The following PCDHA2 variants were observed in gnomAD, a reference collection of about 807,000 sequenced individuals.
PCDHA2 encodes the protein protocadherin alpha 2, also known as protocadherin alpha-2.
PCDHA2 carries 58 observed loss-of-function variants against 66.0 expected under a neutral mutation model. The observed-to-expected ratio is 0.88, with a 90% CI of 0.71 to 1.09. The LOEUF is 1.09. Ranked by LOEUF, PCDHA2 falls within the 50% of genes least tolerant of loss-of-function variation. The probability of loss-of-function intolerance (pLI) is 0.00; values close to 1 mark genes in which losing one functional copy is unlikely to be tolerated. For synonymous variants in PCDHA2, 634 were observed against 554.0 expected (o/e 1.14, Z -2.03); for missense variants, 1,267 against 1,242.3 (o/e 1.02, Z -0.30).
At chr5:140,895,481 A>G (rs1344099308) in intron 1 of PCDHA2, among the ~76,000 whole-genome samples, 1 of 152,168 alleles carries the variant, frequency 6.6e-6, no homozygotes, top group African/African-American at 2.4e-5. Flanking sequence ...CTTCGGAGAA[A>G]TACCTATTCA....
intron 1 of PCDHA2, chr5:140,853,653 C>G: frequency 3.0e-6 from 3 of 988,604 alleles, no homozygotes; most frequent in Non-Finnish European, 3.7e-6. Flanking sequence ...TGAGCCTGTT[C>G]CAGACAAATT....
intron 1 of PCDHA2, chr5:140,856,336 G>A (rs782523397): frequency 1.9e-6 from 3 of 1,598,624 alleles, no homozygotes; most frequent in East Asian, 2.2e-5. Context: ...AGCTGTGCGG[G>A]CGGAGCGTGG....
rs1263615997 is a variant in PCDHA2 at position 140,926,760 on chromosome 5, A to ATAC, written c.2389-52188_2389-52187insACT. ...GGCGCAACGTCGGCGGTCGCTGAGT[A>ATAC]TCCAGCCCGCAGCAGTGACGGCCGG... On this transcript the variant is annotated intron_variant, in intron 1 of 3. Transcript: ENST00000526136. The ATAC allele has an allele frequency of 6.1e-6, 8 of 1,312,248 alleles. No homozygotes were observed. The African/African-American group carries it at 1.2e-4, about 20-fold the overall frequency. The allele number at this position is 1,312,248 out of a possible 1,614,324, so 81.3% of individuals were successfully genotyped here.
At chr5:140,846,591 G>A (rs1236842497) in intron 1 of PCDHA2, among the ~76,000 whole-genome samples, 3 of 148,580 alleles carry the variant, frequency 2.0e-5, no homozygotes, top group African/African-American at 7.4e-5. Context: ...AGCCAGGATG[G>A]TCTCGATCTC....
At chr5:140,836,123 T>A (rs1214014408) in intron 1 of PCDHA2, 36 of 1,613,538 alleles carry the variant, frequency 2.2e-5, no homozygotes, top group Non-Finnish European at 3.0e-5. Context: ...TGAGAGAGCT[T>A]GTGCCGCGGT....
At chr5:140,953,124 A>G (rs1554220816) in intron 1 of PCDHA2, among the ~76,000 whole-genome samples, 1 of 152,150 alleles carries the variant, frequency 6.6e-6, no homozygotes, top group African/African-American at 2.4e-5. Flanking sequence ...ACAGATCTAA[A>G]CCGTATCACT....
At chr5:140,867,257 T>C (rs1396352368) in intron 1 of PCDHA2, 1 of 152,138 alleles carries the variant, frequency 6.6e-6, no homozygotes, top group Non-Finnish European at 1.5e-5. Flanking sequence ...TGTTGTTTCC[T>C]TTTGTTCAAA....
chr5:140,822,417 T>G lies in PCDHA2; in HGVS notation c.2388+25065T>G, dbSNP rs17844289. On this transcript the variant is annotated intron_variant, in intron 1 of 3. Transcript: ENST00000526136. Reference sequence around the variant, plus strand: ...AACACCGTTTATTAGTGATTGCAACTGATGGAGGAAAACCCGAACTAACAG... The same window carrying G: ...AACACCGTTTATTAGTGATTGCAACGGATGGAGGAAAACCCGAACTAACAG... 216 of 1,614,062 alleles carry G rather than the reference T, an allele frequency of 1.3e-4. 3 individuals carry two copies. The East Asian group carries it at 4.7e-3, about 35-fold the overall frequency.
intron 1 of PCDHA2, among the ~76,000 whole-genome samples, chr5:140,971,942 C>A (rs2153791969): frequency 6.6e-6 from 1 of 152,140 alleles, no homozygotes; most frequent in Middle Eastern, 3.4e-3. Flanking sequence ...AAGTTGTATC[C>A]ATCTGACTCC....
intron 1 of PCDHA2, among the ~76,000 whole-genome samples, chr5:140,943,341 G>T (rs1021651625): frequency 5.3e-5 from 8 of 151,780 alleles, no homozygotes; most frequent in African/African-American, 1.9e-4. Context: ...CATTGGACAG[G>T]ATGAGAGTAG....
At chr5:140,841,883 G>T in intron 1 of PCDHA2, 1 of 1,613,836 alleles carries the variant, frequency 6.2e-7, no homozygotes, top group East Asian at 2.2e-5. Context: ...AAAGAACGAT[G>T]AGAATAAACT....
Position 140,968,215 on chromosome 5 carries a change from G to T in PCDHA2, c.2389-10734G>T, listed in dbSNP as rs782676713. The stretch of plus-strand genomic sequence containing the variant: ...CCATCTACATACAGGAGAACAATTT[G>T]CCAGGTGTGTTGCTCTGTACTGTGC... On this transcript the variant is annotated intron_variant, in intron 1 of 3. Transcript: ENST00000526136. 3.1e-6 allele frequency: 5 copies of T among 1,613,862 alleles called. No homozygotes were observed. In the East Asian group the frequency reaches 1.1e-4, roughly 36 times the overall value.
At chr5:140,942,467 A>C (rs1428565418) in intron 1 of PCDHA2, among the ~76,000 whole-genome samples, 1 of 152,142 alleles carries the variant, frequency 6.6e-6, no homozygotes, top group Non-Finnish European at 1.5e-5. Context: ...AATACAATCA[A>C]ATTCAAGCTA....
chr5:140,827,425 A>G (rs2150147472), intron 1 of PCDHA2, among the ~76,000 whole-genome samples: 1 of 152,380 alleles, frequency 6.6e-6, no homozygotes, highest in East Asian at 1.9e-4. Context: ...CTAGAATTTT[A>G]TCTTCCATCA....
At position 140,824,092 on chromosome 5, in the gene PCDHA2, C is replaced by G. The variant is rs2150132114; in HGVS notation, c.2388+26740C>G. 4 of 1,614,146 alleles carry G rather than the reference C, an allele frequency of 2.5e-6. No individual in the cohort carries two copies. In the South Asian group the frequency reaches 4.4e-5, roughly 18 times the overall value. On this transcript the variant is annotated intron_variant, in intron 1 of 3. Transcript: ENST00000526136. ...CAAAACAGACCTCATGGCCTTCAGT[C>G]CAAGCCTTCCTCAGGGTCCCACCTC...
Position 140,985,833 on chromosome 5 carries a change from G to A in PCDHA2, c.2536+3270G>A, listed in dbSNP as rs1458914557. Among the ~76,000 whole-genome samples the A allele has an allele frequency of 2.8e-5, 4 of 143,674 alleles. No homozygotes were observed. In the East Asian group the frequency reaches 6.5e-4, roughly 23 times the overall value. The allele number at this position is 143,674 out of a possible 152,430, so 94.3% of individuals were successfully genotyped here. A position where few individuals can be genotyped will look rare whatever the true frequency, so the allele number is the denominator to read the frequency against. ...CAGCTCACAACAAGCTCTGCCTCCC[G>A]GGTTCATGCCACTCTCCTGCCTCAG... On this transcript the variant is annotated intron_variant, in intron 3 of 3. Coordinates refer to ENST00000526136, the MANE Select transcript of PCDHA2 (RefSeq NM_018905.3).
chr5:140,993,853 A>G (rs1423193144), intron 3 of PCDHA2, among the ~76,000 whole-genome samples: 5 of 152,198 alleles, frequency 3.3e-5, no homozygotes, highest in African/African-American at 7.2e-5. Context: ...GTAGTAGGCT[A>G]TGCCATCTAG....
At chr5:140,801,605 T>C in intron 1 of PCDHA2, 1 of 1,614,200 alleles carries the variant, frequency 6.2e-7, no homozygotes, top group Non-Finnish European at 8.5e-7. Flanking sequence ...TTCCAATGGC[T>C]GTAAAGAATC....
intron 1 of PCDHA2, among the ~76,000 whole-genome samples, chr5:140,974,660 C>T (rs529524485): frequency 2.6e-5 from 4 of 152,116 alleles, no homozygotes; most frequent in South Asian, 2.1e-4. Flanking sequence ...TACAGGCATG[C>T]GCCACCATGC....
Sources: gnomAD v4.1 joint callset for allele counts (sites outside exome capture counted in the v4.1 genomes callset) on GRCh38, gnomAD v4.1.1 for gene constraint, MANE v1.5 for transcripts, NCBI Gene and HGNC (gene_info 2026-07-23, HGNC 2026-07-21) for gene names.